The following ADGRV1 variants were observed in gnomAD, a reference collection of about 807,000 sequenced individuals.
The protein encoded by ADGRV1 is adhesion G protein-coupled receptor V1.
ADGRV1 carries 359 observed loss-of-function variants against 596.2 expected under a neutral mutation model. The ratio of observed to expected loss-of-function variants is 0.60; its 90% CI spans 0.55 to 0.66. ADGRV1 has a LOEUF of 0.66. Ranked by LOEUF, ADGRV1 falls within the 30% of genes least tolerant of loss-of-function variation. The probability of loss-of-function intolerance (pLI) is 0.00; values close to 1 mark genes in which losing one functional copy is unlikely to be tolerated. For missense variants in ADGRV1, 7,274 were observed against 7,575.6 expected (o/e 0.96, Z 1.48); for synonymous variants, 2,681 against 2,679.2 (o/e 1.00, Z -0.02).
intron 21 of ADGRV1, among the ~76,000 whole-genome samples, chr5:90,665,193 A>G (rs1771105533): frequency 6.6e-6 from 1 of 151,872 alleles, no homozygotes; most frequent in Admixed American, 6.6e-5. Context: ...GAATGGTACC[A>G]GTTCCTCCTT....
intron 83 of ADGRV1, among the ~76,000 whole-genome samples, chr5:90,956,240 A>T (rs143757867): frequency 6.6e-6 from 1 of 152,296 alleles, no homozygotes; most frequent in Non-Finnish European, 1.5e-5. Context: ...GTGACTGTAG[A>T]GTCTGAATTG....
At chr5:90,666,594 C>G (rs1771443485) in intron 21 of ADGRV1, among the ~76,000 whole-genome samples, 1 of 125,112 alleles carries the variant, frequency 8.0e-6, no homozygotes, top group Admixed American at 8.8e-5. Context: ...TTAATTGGAG[C>G]ATTTAGTCCA....
In ADGRV1 at chr5:91,024,472, G is replaced by C. The variant is rs16869359; in HGVS notation, c.18152+38950G>C. Among the ~76,000 whole-genome samples, 1,272 of 152,126 alleles carry C rather than the reference G, an allele frequency of 8.4e-3. 22 individuals are homozygous for C. Among genetic ancestry groups the C allele is most frequent in the African/African-American group, 0.029 (1,201 of 41,506 alleles). On this transcript the variant is annotated intron_variant, in intron 85 of 89. Coordinates refer to ENST00000405460, the MANE Select transcript of ADGRV1 (RefSeq NM_032119.4). Reference sequence around the variant, plus strand: ...TTTACATCCTCTGTAAGTCAGCATTGATTTGTTTCTCTTCTGGGATTCAGT... The same window carrying C: ...TTTACATCCTCTGTAAGTCAGCATTCATTTGTTTCTCTTCTGGGATTCAGT...
In ADGRV1 at chr5:90,896,267, G is replaced by GTTTTTTT. The variant is rs547252109; in HGVS notation, c.17856+32425_17856+32431dup. On this transcript the variant is annotated intron_variant, in intron 83 of 89. Coordinates refer to ENST00000405460, the MANE Select transcript of ADGRV1 (RefSeq NM_032119.4). Reference sequence around the variant, plus strand: ...AAATCTGATATTACGGTGACCAGTGGTTTTTTTTTTTTTTTTTTTTTGAGA... The same window carrying GTTTTTTT: ...AAATCTGATATTACGGTGACCAGTGGTTTTTTTTTTTTTTTTTTTTTTTTTTTTGAGA... 1.6e-4 allele frequency among the ~76,000 whole-genome samples: 14 copies of GTTTTTTT among 84,874 alleles called. 2 individuals are homozygous for GTTTTTTT. Among genetic ancestry groups the GTTTTTTT allele is most frequent in the Non-Finnish European group, 1.9e-4 (9 of 48,236 alleles). The allele number at this position is 84,874 out of a possible 152,430, so 55.7% of individuals were successfully genotyped here. A position where few individuals can be genotyped will look rare whatever the true frequency, so the allele number is the denominator to read the frequency against.
At chr5:91,041,091 G>C (rs904496069) in intron 85 of ADGRV1, among the ~76,000 whole-genome samples, 3 of 152,128 alleles carry the variant, frequency 2.0e-5, no homozygotes, top group African/African-American at 7.2e-5. Context: ...ATTCCTCAAG[G>C]ATCTAGAACT....
At chr5:90,620,290 A>G (rs1181327933) in intron 4 of ADGRV1, among the ~76,000 whole-genome samples, 1 of 152,070 alleles carries the variant, frequency 6.6e-6, no homozygotes, top group Non-Finnish European at 1.5e-5. Context: ...AATGATTGCC[A>G]TTCTAACTGG....
In ADGRV1 at chr5:90,756,595, G is replaced by A. The variant is rs749544658; in HGVS notation, c.11722G>A (p.Asp3908Asn). 1.6e-5 allele frequency: 26 copies of A among 1,613,618 alleles called. No individual in the cohort carries two copies. The highest frequency in any genetic ancestry group is 2.2e-5 in the Non-Finnish European group (26 of 1,179,654). Residue 3908 changes from aspartate to asparagine, a missense_variant, in exon 56 of 90, where the codon GAT becomes AAT. Asp to Asn is a conservative substitution (Grantham distance 23). This residue lies in a region of ADGRV1 where 3,643 missense variants were observed against 3,809.2 expected (regional missense o/e 0.96). Transcript: ENST00000405460. The part of the protein sequence containing the change: ...IAEIMIEEND[D>N]PRGIFMFHVT... ...TGAGATAATGATAGAAGAAAATGAC[G>A]ATCCCAGAGGAATTTTTATGTTTCA...
At position 90,778,992 on chromosome 5, in the gene ADGRV1, C is replaced by T; in HGVS notation, c.12977C>T (p.Ala4326Val). Residue 4326 changes from alanine to valine, a missense_variant, in exon 64 of 90, where the codon GCA becomes GTA. By Grantham distance (64) the Ala-to-Val change is moderately conservative. Around this residue, in one of 5 missense-constraint regions of ADGRV1, gnomAD observed 3,643 missense variants for 3,809.2 expected, o/e 0.96. Coordinates refer to ENST00000405460, the MANE Select transcript of ADGRV1 (RefSeq NM_032119.4). ...GCAGCAGGGGAGCTCCTCTTTGAAGCAGGGGAGATGAGGAAAAGTCTGCAT... is the reference window on the plus strand; with the variant it reads ...GCAGCAGGGGAGCTCCTCTTTGAAGTAGGGGAGATGAGGAAAAGTCTGCAT... ...VPAAGELLFE[A>V]GEMRKSLHVE... 3 of 1,613,270 alleles carry T rather than the reference C, an allele frequency of 1.9e-6. No individual in the cohort carries two copies. Among genetic ancestry groups the T allele is most frequent in the Non-Finnish European group, 2.5e-6 (3 of 1,179,352 alleles).
intron 83 of ADGRV1, among the ~76,000 whole-genome samples, chr5:90,940,031 T>C (rs1326387858): frequency 6.6e-6 from 1 of 152,210 alleles, no homozygotes; most frequent in East Asian, 1.9e-4. Context: ...GCATATAACT[T>C]GGTCTTCTTA....
chr5:90,637,861 C>G lies in ADGRV1; in HGVS notation c.2153C>G (p.Ser718Cys), dbSNP rs970985613. ...GPFNGSVLFL[S>C]GQSDTTINIT... ...TTTAATGGCTCTGTTTTGTTTTTATCTGGGCAAAGTGACACAACAATCAAC... is the reference window on the plus strand; with the variant it reads ...TTTAATGGCTCTGTTTTGTTTTTATGTGGGCAAAGTGACACAACAATCAAC... Residue 718 changes from serine to cysteine, a missense_variant, in exon 11 of 90, where the codon TCT (serine) becomes TGT (cysteine). Physicochemically the swap from Ser to Cys is moderately radical, Grantham distance 112 (BLOSUM62 -1). Coordinates refer to ENST00000405460, the MANE Select transcript of ADGRV1 (RefSeq NM_032119.4). The G allele has an allele frequency of 1.2e-6, 2 of 1,613,468 alleles. No individual in the cohort carries two copies. Among genetic ancestry groups the G allele is most frequent in the Non-Finnish European group, 1.7e-6 (2 of 1,179,758 alleles).
Position 90,791,146 on chromosome 5 carries a change from A to C in ADGRV1, c.14317A>C (p.Ile4773Leu). 6.2e-7 allele frequency: 1 copy of C among 1,613,980 alleles called. No homozygotes were observed. The highest frequency in any genetic ancestry group is 8.5e-7 in the Non-Finnish European group (1 of 1,179,888). Residue 4773 changes from isoleucine (I) to leucine (L), a missense_variant, in exon 70 of 90, where the codon ATA becomes CTA. Around this residue, in one of 5 missense-constraint regions of ADGRV1, gnomAD observed 1,874 missense variants for 1,970.2 expected, o/e 0.95. Coordinates refer to ENST00000405460, the MANE Select transcript of ADGRV1 (RefSeq NM_032119.4). Reference protein sequence around the residue: ...VFALYSDRQSILIGQNLIRSI... With the variant: ...VFALYSDRQSLLIGQNLIRSI... ...TGCCCTGTATTCGGATCGCCAGTCA[A>C]TACTTATTGGGCAGAACCTTATTAG... is the stretch of plus-strand genomic sequence containing the variant.
intron 87 of ADGRV1, among the ~76,000 whole-genome samples, chr5:91,134,575 G>A (rs1247055631): frequency 6.6e-6 from 1 of 151,992 alleles, no homozygotes; most frequent in Admixed American, 6.5e-5. Flanking sequence ...GCCATGGGGA[G>A]GAATATATAG....
intron 84 of ADGRV1, among the ~76,000 whole-genome samples, chr5:90,970,582 C>T (rs141749194): frequency 7.5e-6 from 1 of 132,628 alleles, no homozygotes; most frequent in East Asian, 2.3e-4. Flanking sequence ...GCTGCTGATA[C>T]CCAGGCAAAC....
At position 90,745,127 on chromosome 5, in the gene ADGRV1, A is replaced by G. The variant is rs561796644; in HGVS notation, c.10631A>G (p.Glu3544Gly). 5 of 1,613,726 alleles carry G rather than the reference A, an allele frequency of 3.1e-6. No homozygotes were observed. In the East Asian group the frequency reaches 8.9e-5, roughly 29 times the overall value. ...CGTAATCAATTCTCTTTTGTTCTGG[A>G]AGTACCTTCTGCTTATGATGTGGCT... ...SERNQFSFVLEVPSAYDVASV... is the reference protein window; with the variant it reads ...SERNQFSFVLGVPSAYDVASV... The change falls in exon 51 of 90, where the codon GAA becomes GGA. Residue 3544 changes from glutamate to glycine, a missense_variant. By Grantham distance (98) the Glu-to-Gly change is moderately conservative. Around this residue, in one of 5 missense-constraint regions of ADGRV1, gnomAD observed 3,643 missense variants for 3,809.2 expected, o/e 0.96. Transcript: ENST00000405460.
chr5:90,970,898 A>C lies in ADGRV1; in HGVS notation c.17973+5367A>C, dbSNP rs1778910575. The stretch of plus-strand genomic sequence containing the variant: ...GAGAGAAGAAGGCATGAGATGATCA[A>C]ACTTCTCTGAGCTAAAGGAGGAAGT... On this transcript the variant is annotated intron_variant, in intron 84 of 89. Coordinates refer to ENST00000405460, the MANE Select transcript of ADGRV1 (RefSeq NM_032119.4). Among the ~76,000 whole-genome samples the C allele has an allele frequency of 2.6e-5, 4 of 152,310 alleles. No individual in the cohort carries two copies. In the South Asian group the frequency reaches 8.3e-4, roughly 32 times the overall value.
chr5:90,676,311 T>A lies in ADGRV1; in HGVS notation c.5443+102T>A. ...TAAGTTCCTTTGAATTAATCTTACT[T>A]AAATAAATGAATAAATTATTAGTTT... On this transcript the variant is annotated intron_variant, in intron 25 of 89. Coordinates refer to ENST00000405460, the MANE Select transcript of ADGRV1 (RefSeq NM_032119.4). The A allele has an allele frequency of 5.8e-6, 6 of 1,036,184 alleles. No individual in the cohort carries two copies. The South Asian group carries it at 8.6e-5, about 15-fold the overall frequency. The allele number at this position is 1,036,184 out of a possible 1,614,324, so 64.2% of individuals were successfully genotyped here.
At chr5:91,091,680 G>T (rs993465001) in intron 86 of ADGRV1, 3 of 152,178 alleles carry the variant, frequency 2.0e-5, no homozygotes, top group African/African-American at 7.2e-5. Context: ...TCAAAAGCCT[G>T]AGAGGCAGAG....
chr5:90,660,008 G>T (rs1300730154), intron 21 of ADGRV1, among the ~76,000 whole-genome samples: 1 of 151,828 alleles, frequency 6.6e-6, no homozygotes, highest in East Asian at 1.9e-4. Flanking sequence ...CTCCAGCGTG[G>T]GTGACACAAG....
At chr5:90,889,757 G>A (rs893272050) in intron 83 of ADGRV1, among the ~76,000 whole-genome samples, 7 of 152,010 alleles carry the variant, frequency 4.6e-5, no homozygotes, top group Non-Finnish European at 1.0e-4. Context: ...GTTAAATGAT[G>A]TTGTGATACC....
Sources: gnomAD v4.1 joint callset for allele counts (sites outside exome capture counted in the v4.1 genomes callset) on GRCh38, gnomAD v4.1.1 for gene constraint, gnomAD v4.1.1 regional missense constraint, MANE v1.5 for transcripts, NCBI Gene and HGNC (gene_info 2026-07-23, HGNC 2026-07-21) for gene names.